The following SHANK2 variants were observed in gnomAD, a reference collection of about 807,000 sequenced individuals.
SHANK2 encodes SH3 and multiple ankyrin repeat domains protein 2.
SHANK2 carries 43 observed loss-of-function variants against 133.7 expected under a neutral mutation model. The observed-to-expected ratio is 0.32, with a 90% CI of 0.25 to 0.41. SHANK2 has a LOEUF of 0.41. SHANK2 is among the 10% of genes least tolerant of loss of function. SHANK2 has a pLI of 1.00. For missense variants in SHANK2, 1,994 were observed against 2,235.8 expected (o/e 0.89, Z 2.18); for synonymous variants, 1,017 against 952.8 (o/e 1.07, Z -1.24).
intron 10 of SHANK2, among the ~76,000 whole-genome samples, chr11:70,907,067 T>A (rs895192742): frequency 6.6e-5 from 10 of 152,176 alleles, no homozygotes; most frequent in Non-Finnish European, 1.0e-4. Context: ...TCAAGCAATG[T>A]CCACAACTCC....
chr11:70,684,222 C>G (rs1945094631), intron 15 of SHANK2, among the ~76,000 whole-genome samples: 1 of 152,106 alleles, frequency 6.6e-6, no homozygotes, highest in African/African-American at 2.4e-5. Context: ...AGTCATCACC[C>G]TTGAAGTGTG....
intron 3 of SHANK2, among the ~76,000 whole-genome samples, chr11:71,140,379 C>T (rs1565474480): frequency 6.6e-6 from 1 of 152,244 alleles, no homozygotes; most frequent in Non-Finnish European, 1.5e-5. Flanking sequence ...TCCAGTGACT[C>T]TAGCAAAGTG....
intron 14 of SHANK2, among the ~76,000 whole-genome samples, chr11:70,784,914 C>T (rs1435468421): frequency 6.6e-6 from 1 of 152,258 alleles, no homozygotes; most frequent in Non-Finnish European, 1.5e-5. Flanking sequence ...ACACAGGAAG[C>T]CACAGGTGGT....
intron 14 of SHANK2, among the ~76,000 whole-genome samples, chr11:70,746,903 T>C (rs1946649840): frequency 1.3e-5 from 2 of 151,320 alleles, no homozygotes. Flanking sequence ...GGGATGAGGG[T>C]GGCTTGTCTG....
At chr11:71,148,982 C>CGCTGGCTGT (rs56749011) in intron 2 of SHANK2, among the ~76,000 whole-genome samples, 4 of 151,706 alleles carry the variant, frequency 2.6e-5, no homozygotes, top group African/African-American at 9.7e-5. Flanking sequence ...GGGTGGGCCG[C>CGCTGGCTGT]GCTGCTTGGA....
intron 14 of SHANK2, among the ~76,000 whole-genome samples, chr11:70,785,034 G>A (rs1426572433): frequency 6.6e-6 from 1 of 152,208 alleles, no homozygotes; most frequent in Non-Finnish European, 1.5e-5. Flanking sequence ...TCTGCAGTGG[G>A]TCTCTGGGTT....
chr11:70,808,107 G>A (rs1003483386), intron 12 of SHANK2, among the ~76,000 whole-genome samples: 10 of 152,168 alleles, frequency 6.6e-5, no homozygotes, highest in Middle Eastern at 3.2e-3. Context: ...CACAGCACTC[G>A]AATGTATTCC....
At chr11:71,067,212 C>G (rs1951075703) in intron 9 of SHANK2, among the ~76,000 whole-genome samples, 1 of 152,192 alleles carries the variant, frequency 6.6e-6, no homozygotes, top group African/African-American at 2.4e-5. Context: ...ACAGCTCGGA[C>G]AGGTTCCCCG....
At chr11:70,544,269 C>T (rs1436109456) in intron 17 of SHANK2, among the ~76,000 whole-genome samples, 1 of 152,190 alleles carries the variant, frequency 6.6e-6, no homozygotes, top group Non-Finnish European at 1.5e-5. Flanking sequence ...GCCTCAGTGT[C>T]CTCATCTGGA....
Position 70,807,170 on chromosome 11 carries a change from A to G in SHANK2, c.1495T>C (p.Ser499Pro). 1 of 717,064 alleles carries G rather than the reference A, an allele frequency of 1.4e-6. No homozygotes were observed. Among genetic ancestry groups the G allele is most frequent in the Non-Finnish European group, 2.6e-6 (1 of 384,808 alleles). The allele number at this position is 717,064 out of a possible 1,614,324, so 44.4% of individuals were successfully genotyped here. The change falls in exon 13 of 26, where the codon TCG becomes CCG. Residue 499 changes from serine (S) to proline (P), a missense_variant and splice_region_variant. Transcript: ENST00000601538. This position sits in a 1 kb window ranked among gnomAD's most constrained non-coding sequence, Gnocchi z 4.8. ...TTGTTGGCACCAAGAGCAAAAGGCGACCTGGACCAGGTGAGAGGGGCAGAG... is the reference window on the plus strand; with the variant it reads ...TTGTTGGCACCAAGAGCAAAAGGCGGCCTGGACCAGGTGAGAGGGGCAGAG... ...KRPQPLWHVG[S>P]PFALGANKDS...
chr11:70,542,688 C>T (rs567344666), intron 17 of SHANK2, among the ~76,000 whole-genome samples: 1 of 152,164 alleles, frequency 6.6e-6, no homozygotes, highest in African/African-American at 2.4e-5. Context: ...GGTTGGCAAA[C>T]GACTCAGAAG....
At chr11:71,202,898 A>G (rs1420890814) in intron 2 of SHANK2, among the ~76,000 whole-genome samples, 2 of 152,236 alleles carry the variant, frequency 1.3e-5, no homozygotes, top group Admixed American at 6.5e-5. Context: ...ACTGCCTTGG[A>G]AAAAACGGAG....
At chr11:71,067,787 C>T in intron 9 of SHANK2, among the ~76,000 whole-genome samples, 1 of 151,942 alleles carries the variant, frequency 6.6e-6, no homozygotes, top group East Asian at 1.9e-4. Flanking sequence ...ATCATCACCA[C>T]CACCACCACT....
intron 2 of SHANK2, among the ~76,000 whole-genome samples, chr11:71,219,721 T>G (rs1307469042): frequency 2.0e-5 from 3 of 151,444 alleles, no homozygotes; most frequent in Non-Finnish European, 4.4e-5. Flanking sequence ...TAAAATCCCG[T>G]CTCTACTAAA....
chr11:71,135,063 A>G (rs369171889), intron 3 of SHANK2, among the ~76,000 whole-genome samples: 21 of 151,998 alleles, frequency 1.4e-4, no homozygotes, highest in African/African-American at 4.1e-4. Flanking sequence ...CGCAGCCCTC[A>G]GCCTTCTCTG....
intron 10 of SHANK2, among the ~76,000 whole-genome samples, chr11:70,949,425 G>T (rs1377209180): frequency 2.0e-5 from 3 of 152,322 alleles, no homozygotes; most frequent in South Asian, 4.1e-4. Flanking sequence ...GACTCCGCCC[G>T]TCATGTGGGG....
chr11:70,903,639 C>CG (rs1950057377), intron 10 of SHANK2, among the ~76,000 whole-genome samples: 2 of 152,056 alleles, frequency 1.3e-5, no homozygotes, highest in Non-Finnish European at 2.9e-5. Flanking sequence ...GCTGGGGTCC[C>CG]GGGGCTCGAG....
intron 3 of SHANK2, among the ~76,000 whole-genome samples, chr11:71,145,933 C>A (rs1555106624): frequency 6.6e-6 from 1 of 152,170 alleles, no homozygotes; most frequent in South Asian, 2.1e-4. Context: ...TCCTCCCAGC[C>A]CACTGAGGGA....
At chr11:70,673,440 A>G (rs73525983) in intron 15 of SHANK2, among the ~76,000 whole-genome samples, 6,098 of 152,316 alleles carry the variant, frequency 0.04, 409 homozygotes, top group African/African-American at 0.14. Flanking sequence ...GCTCGCCCAC[A>G]AAGACCATGC....
Sources: gnomAD v4.1 joint callset for allele counts (sites outside exome capture counted in the v4.1 genomes callset) on GRCh38, gnomAD v4.1.1 for gene constraint, Gnocchi (gnomAD v3.1) non-coding constraint, MANE v1.5 for transcripts, NCBI Gene and HGNC (gene_info 2026-07-23, HGNC 2026-07-21) for gene names.